The following CDKAL1 variants were observed in gnomAD, a reference collection of about 807,000 sequenced individuals.
CDKAL1 encodes CDKAL1 threonylcarbamoyladenosine tRNA methylthiotransferase.
Under a neutral mutation model 68.2 loss-of-function variants are expected in CDKAL1, and 32 were observed. The ratio of observed to expected loss-of-function variants is 0.47; its 90% confidence interval spans 0.35 to 0.63. The LOEUF (loss-of-function observed/expected upper bound fraction) is 0.63. CDKAL1 is among the 30% of genes least tolerant of loss of function. The pLI is 0.00. For missense variants in CDKAL1, 606 were observed against 696.7 expected, an observed-to-expected ratio of 0.87 and a Z score of 1.47; for synonymous variants, 234 against 244.3, an observed-to-expected ratio of 0.96 and a Z score of 0.39.
intron 4 of CDKAL1, among the ~76,000 whole-genome samples, chr6:20,634,972 C>T (rs1313992181): frequency 6.2e-5 from 7 of 113,170 alleles, no homozygotes; most frequent in African/African-American, 2.0e-4. Flanking sequence ...AGCAAAACCC[C>T]GTCTCAAAAA....
At chr6:21,090,675 G>T (rs1772956227) in intron 12 of CDKAL1, among the ~76,000 whole-genome samples, 1 of 151,980 alleles carries the variant, frequency 6.6e-6, no homozygotes, top group Non-Finnish European at 1.5e-5. Context: ...TTTGTTCAGG[G>T]AATACTGTTA....
rs548623694 is a variant in CDKAL1 at position 20,938,677 on chromosome 6, A to G, written c.743-16742A>G. On this transcript the variant is annotated intron_variant, in intron 9 of 15. Transcript: ENST00000274695. ...ACCTTTTCTTCCCATTTTTGTGGCT[A>G]TTCTCCATTTGTGTGGATATATAAA... 7.2e-5 allele frequency among the ~76,000 whole-genome samples: 11 copies of G among 152,236 alleles called. No homozygotes were observed. The South Asian group carries it at 1.0e-3, about 14-fold the overall frequency.
intron 8 of CDKAL1, among the ~76,000 whole-genome samples, chr6:20,837,834 G>A (rs1416733569): frequency 1.3e-5 from 2 of 150,934 alleles, no homozygotes; most frequent in Non-Finnish European, 1.5e-5. Context: ...CTGATAAGGG[G>A]GCCAGGTATG....
chr6:21,165,557 T>C (rs778695490), intron 13 of CDKAL1, among the ~76,000 whole-genome samples: 8 of 152,242 alleles, frequency 5.3e-5, no homozygotes, highest in Non-Finnish European at 1.2e-4. Flanking sequence ...ATATTGAAGT[T>C]AAATGCTCTG....
intron 8 of CDKAL1, among the ~76,000 whole-genome samples, chr6:20,809,342 T>C (rs1776697984): frequency 6.6e-6 from 1 of 152,240 alleles, no homozygotes; most frequent in South Asian, 2.1e-4. Context: ...CTACTTCATA[T>C]CACTAATGAT....
At chr6:20,697,766 C>G (rs1194136465) in intron 5 of CDKAL1, among the ~76,000 whole-genome samples, 1 of 152,194 alleles carries the variant, frequency 6.6e-6, no homozygotes, top group East Asian at 1.9e-4. Flanking sequence ...TTCTGCCAAA[C>G]AAGTTTCAGA....
At chr6:20,930,814 A>T (rs1201415950) in intron 9 of CDKAL1, among the ~76,000 whole-genome samples, 1 of 150,868 alleles carries the variant, frequency 6.6e-6, no homozygotes, top group Non-Finnish European at 1.5e-5. Context: ...ACATGATCTC[A>T]GCTCACTGCA....
intron 12 of CDKAL1, among the ~76,000 whole-genome samples, chr6:21,077,543 C>T (rs1161643186): frequency 2.0e-5 from 3 of 152,192 alleles, no homozygotes; most frequent in African/African-American, 7.2e-5. Context: ...TTTGGGGTGG[C>T]TTCAGGAAAC....
At chr6:20,826,175 T>C (rs1777495290) in intron 8 of CDKAL1, among the ~76,000 whole-genome samples, 1 of 152,180 alleles carries the variant, frequency 6.6e-6, no homozygotes. Flanking sequence ...TCCACTCTCA[T>C]GGGCTCAACC....
intron 4 of CDKAL1, among the ~76,000 whole-genome samples, chr6:20,636,227 T>A (rs1183121563): frequency 6.6e-6 from 1 of 152,154 alleles, no homozygotes; most frequent in Non-Finnish European, 1.5e-5. Flanking sequence ...AAATACTCAC[T>A]ATGTCGAGGT....
intron 12 of CDKAL1, among the ~76,000 whole-genome samples, chr6:21,092,032 G>A (rs1437219068): frequency 1.7e-3 from 250 of 149,974 alleles, no homozygotes; most frequent in African/African-American, 5.7e-3. Context: ...GACTACAGGC[G>A]CCCGCCACTA....
intron 11 of CDKAL1, among the ~76,000 whole-genome samples, chr6:21,010,580 G>C (rs1311626048): frequency 6.6e-6 from 1 of 152,130 alleles, no homozygotes; most frequent in Non-Finnish European, 1.5e-5. Context: ...CCCTCATTAT[G>C]TGAATGGGCC....
chr6:21,149,392 C>T (rs552721654), intron 13 of CDKAL1, among the ~76,000 whole-genome samples: 16 of 152,130 alleles, frequency 1.1e-4, no homozygotes, highest in Non-Finnish European at 2.2e-4. Context: ...GTAATTTGCC[C>T]GCCTCGGCCT....
chr6:20,966,587 G>A lies in CDKAL1; in HGVS notation c.909+11002G>A, dbSNP rs116465251. Reference sequence around the variant, plus strand: ...ATTCATTAGTTTGAGGGGGGAAATGGTTTCTGTTTATAACATGTATTATTG... The same window carrying A: ...ATTCATTAGTTTGAGGGGGGAAATGATTTCTGTTTATAACATGTATTATTG... On this transcript the variant is annotated intron_variant, in intron 10 of 15. Transcript: ENST00000274695. Among the ~76,000 whole-genome samples the A allele has an allele frequency of 2.0e-3, 308 of 152,218 alleles. 2 individuals carry two copies. Among genetic ancestry groups the A allele is most frequent in the African/African-American group, 7.2e-3 (300 of 41,534 alleles).
At chr6:20,614,776 T>A (rs963262683) in intron 4 of CDKAL1, among the ~76,000 whole-genome samples, 21 of 152,296 alleles carry the variant, frequency 1.4e-4, no homozygotes, top group African/African-American at 4.6e-4. Flanking sequence ...AATCAAATAT[T>A]TGACTTTTTT....
At chr6:20,752,979 A>G (rs984029350) in intron 6 of CDKAL1, among the ~76,000 whole-genome samples, 9 of 151,856 alleles carry the variant, frequency 5.9e-5, no homozygotes, top group African/African-American at 1.5e-4. Flanking sequence ...ACCACTCCCA[A>G]CGTTTTTTTT....
rs554816797 is a variant in CDKAL1, at chr6:21,182,977, C to G, written c.1300-15044C>G. 4.2e-4 allele frequency among the ~76,000 whole-genome samples: 64 copies of G among 152,156 alleles called. 1 individual carries two copies. The highest frequency in any genetic ancestry group is 1.5e-3 in the African/African-American group (61 of 41,516). The stretch of plus-strand genomic sequence containing the variant: ...CATATCCTCATTAAGATGATGGGCC[C>G]CTGACCATCTCTTCATGTTTGCCTT... On this transcript the variant is annotated intron_variant, in intron 13 of 15. Transcript: ENST00000274695.
At chr6:20,896,968 A>T (rs192308389) in intron 9 of CDKAL1, among the ~76,000 whole-genome samples, 1 of 152,196 alleles carries the variant, frequency 6.6e-6, no homozygotes, top group Non-Finnish European at 1.5e-5. Flanking sequence ...GTCTACTTGG[A>T]CTGCTATTAC....
intron 5 of CDKAL1, among the ~76,000 whole-genome samples, chr6:20,671,629 G>A (rs573765932): frequency 1.3e-5 from 2 of 152,024 alleles, no homozygotes; most frequent in African/African-American, 2.4e-5. Flanking sequence ...TCTTATCTAC[G>A]GTGTGAAGTA....
Sources: gnomAD v4.1 joint callset for allele counts (sites outside exome capture counted in the v4.1 genomes callset) on GRCh38, gnomAD v4.1.1 for gene constraint, MANE v1.5 for transcripts, NCBI Gene and HGNC (gene_info 2026-07-23, HGNC 2026-07-21) for gene names.